Variants in PARD3B observed in about 807,000 individuals in gnomAD.
The protein encoded by PARD3B is partitioning defective 3 homolog B.
Under a neutral mutation model 130.2 loss-of-function variants are expected in PARD3B, and 103 were observed. That is an observed-to-expected ratio of 0.79 (90% CI 0.67 to 0.93). The LOEUF is 0.93. Among genes scored for constraint, PARD3B ranks in the 40% least tolerant of loss-of-function variants. The pLI is 0.00. For missense variants in PARD3B, 1,609 were observed against 1,499.2 expected (o/e 1.07, Z -1.21); for synonymous variants, 583 against 553.2 (o/e 1.05, Z -0.76).
At chr2:204,674,469 C>A (rs2036441911) in intron 1 of PARD3B, among the ~76,000 whole-genome samples, 1 of 141,506 alleles carries the variant, frequency 7.1e-6, no homozygotes, top group South Asian at 2.2e-4. Context: ...GGCAAATAAT[C>A]CCTTACTATT....
chr2:204,844,635 C>T (rs1344205180), intron 2 of PARD3B, among the ~76,000 whole-genome samples: 3 of 152,076 alleles, frequency 2.0e-5, no homozygotes, highest in African/African-American at 7.2e-5. Context: ...TGAAGTCCTG[C>T]ATAGTGACTT....
At chr2:204,904,397 G>T (rs1447156957) in intron 2 of PARD3B, among the ~76,000 whole-genome samples, 1 of 152,070 alleles carries the variant, frequency 6.6e-6, no homozygotes, top group Admixed American at 6.5e-5. Flanking sequence ...TCTACTCCAG[G>T]TTCTACCAGT....
intron 2 of PARD3B, among the ~76,000 whole-genome samples, chr2:204,742,521 G>A (rs2040051326): frequency 6.6e-6 from 1 of 152,124 alleles, no homozygotes; most frequent in Non-Finnish European, 1.5e-5. Context: ...GCATCACTGG[G>A]GCAGCTGAGT....
At chr2:204,965,654 G>T (rs1473596635) in intron 3 of PARD3B, among the ~76,000 whole-genome samples, 1 of 152,114 alleles carries the variant, frequency 6.6e-6, no homozygotes, top group East Asian at 1.9e-4. Flanking sequence ...AAAAGCCAAG[G>T]TTTATCAAAG....
At chr2:205,609,287 G>C (rs1390146503) in intron 22 of PARD3B, among the ~76,000 whole-genome samples, 1 of 152,152 alleles carries the variant, frequency 6.6e-6, no homozygotes, top group East Asian at 1.9e-4. Context: ...ATATTAGTTT[G>C]TGCTGATTTT....
chr2:204,955,063 A>T (rs530534861), intron 2 of PARD3B, among the ~76,000 whole-genome samples: 1 of 152,216 alleles, frequency 6.6e-6, no homozygotes, highest in Non-Finnish European at 1.5e-5. Flanking sequence ...TATGTTTGTT[A>T]TATTCATGAC....
At chr2:205,074,227 TCTA>T (rs1222366597) in intron 4 of PARD3B, among the ~76,000 whole-genome samples, 1 of 152,190 alleles carries the variant, frequency 6.6e-6, no homozygotes, top group African/African-American at 2.4e-5. Context: ...CTTCAAATTG[TCTA>T]TTTGAATAAA....
At chr2:205,378,562 A>G (rs2045166723) in intron 18 of PARD3B, among the ~76,000 whole-genome samples, 1 of 152,152 alleles carries the variant, frequency 6.6e-6, no homozygotes, top group South Asian at 2.1e-4. Flanking sequence ...ACCCAGGCAC[A>G]GCTTCTCAGG....
rs1264284995 is a variant in PARD3B, at chr2:205,352,493, G to A, written c.2631-48520G>A. Among the ~76,000 whole-genome samples the A allele has an allele frequency of 6.6e-6, 1 of 152,112 alleles. No individual in the cohort carries two copies. Among genetic ancestry groups the A allele is most frequent in the Non-Finnish European group, 1.5e-5 (1 of 68,016 alleles). The stretch of plus-strand genomic sequence containing the variant: ...TGAAATAATTTCTGTTTAGTTATCT[G>A]GGATTTCATTCGGTTGATTAATACC... On this transcript the variant is annotated intron_variant, in intron 18 of 22. Coordinates refer to ENST00000406610, the MANE Select transcript of PARD3B (RefSeq NM_001302769.2). The surrounding 1 kb of genome is among the most constrained non-coding windows in gnomAD (Gnocchi z 5.2).
At chr2:204,845,089 T>C (rs1027527241) in intron 2 of PARD3B, among the ~76,000 whole-genome samples, 4 of 152,106 alleles carry the variant, frequency 2.6e-5, no homozygotes, top group Non-Finnish European at 5.9e-5. Flanking sequence ...AAATGAGAGT[T>C]GAAAATAGAA....
At chr2:204,722,016 A>G (rs944794173) in intron 2 of PARD3B, among the ~76,000 whole-genome samples, 9 of 152,126 alleles carry the variant, frequency 5.9e-5, no homozygotes, top group African/African-American at 1.9e-4. Flanking sequence ...CACCCAATGA[A>G]TAAGTGGTGA....
intron 1 of PARD3B, among the ~76,000 whole-genome samples, chr2:204,602,028 C>G (rs986986199): frequency 2.0e-5 from 3 of 151,916 alleles, no homozygotes; most frequent in Admixed American, 6.6e-5. Context: ...TGACTTTGAT[C>G]CTGTCATTAC....
Position 204,923,766 on chromosome 2 carries a change from A to C in PARD3B, c.223-41386A>C, listed in dbSNP as rs1395225205. ...TGCTAACTTTTAGAAAAAAGCAAGA[A>C]GGTAGCCTACTTTTGACACAGGTGC... On this transcript the variant is annotated intron_variant, in intron 2 of 22. Coordinates refer to ENST00000406610, the MANE Select transcript of PARD3B (RefSeq NM_001302769.2). Among the ~76,000 whole-genome samples, 3 of 152,072 alleles carry C rather than the reference A, an allele frequency of 2.0e-5. No individual in the cohort carries two copies. In the East Asian group the frequency reaches 5.8e-4, roughly 29 times the overall value.
chr2:204,942,254 A>G (rs141364655), intron 2 of PARD3B, among the ~76,000 whole-genome samples: 83 of 152,348 alleles, frequency 5.4e-4, no homozygotes, highest in Non-Finnish European at 9.0e-4. Flanking sequence ...AGCTCTGGAA[A>G]TGTAACTTTT....
chr2:204,934,640 A>C (rs1688274586), intron 2 of PARD3B, among the ~76,000 whole-genome samples: 1 of 152,116 alleles, frequency 6.6e-6, no homozygotes. Context: ...ACACTATTAC[A>C]ACCTATTTTC....
intron 1 of PARD3B, among the ~76,000 whole-genome samples, chr2:204,599,630 A>C (rs1239582218): frequency 6.6e-6 from 1 of 152,020 alleles, no homozygotes; most frequent in Non-Finnish European, 1.5e-5. Flanking sequence ...GGTTGTTGTG[A>C]ATAGTGCTAG....
At chr2:205,014,780 C>T (rs745923133) in intron 3 of PARD3B, among the ~76,000 whole-genome samples, 9 of 152,046 alleles carry the variant, frequency 5.9e-5, no homozygotes, top group Non-Finnish European at 1.2e-4. Flanking sequence ...AGAAGTGCCA[C>T]AAAGGCAAGA....
At chr2:205,360,731 T>C (rs1255138033) in intron 18 of PARD3B, among the ~76,000 whole-genome samples, 2 of 152,138 alleles carry the variant, frequency 1.3e-5, no homozygotes, top group African/African-American at 4.8e-5. Context: ...TGTGACACAC[T>C]AGCTTTGTGG....
At position 204,648,455 on chromosome 2, in the gene PARD3B, T is replaced by C. The variant is rs531667274; in HGVS notation, c.121-37726T>C. ...GGTGTTATGAACATTCATGGACAAG[T>C]GTATTTTTAGACATGTTTTGTTTCT... On this transcript the variant is annotated intron_variant, in intron 1 of 22. Transcript: ENST00000406610. 2.0e-5 allele frequency among the ~76,000 whole-genome samples: 3 copies of C among 149,070 alleles called. No homozygotes were observed. In the East Asian group the frequency reaches 5.8e-4, roughly 29 times the overall value.
Sources: gnomAD v4.1 joint callset for allele counts (sites outside exome capture counted in the v4.1 genomes callset) on GRCh38, gnomAD v4.1.1 for gene constraint, Gnocchi (gnomAD v3.1) non-coding constraint, MANE v1.5 for transcripts, NCBI Gene and HGNC (gene_info 2026-07-23, HGNC 2026-07-21) for gene names.